The following CHRM3 variants were observed in gnomAD, a reference collection of about 807,000 sequenced individuals.
CHRM3 encodes cholinergic receptor muscarinic 3, also known as muscarinic acetylcholine receptor M3.
A neutral mutation model predicts 41.8 loss-of-function variants in CHRM3; 11 were observed. The observed-to-expected ratio is 0.26, with a 90% CI of 0.17 to 0.44. CHRM3 has a LOEUF of 0.44. Among genes scored for constraint, CHRM3 ranks in the 20% least tolerant of loss-of-function variants. The pLI is 1.00. For missense variants in CHRM3, 571 were observed against 745.4 expected (o/e 0.77, Z 2.72); for synonymous variants, 297 against 301.4 (o/e 0.99, Z 0.15).
intron 4 of CHRM3, among the ~76,000 whole-genome samples, chr1:239,644,284 A>G (rs1671530497): frequency 6.6e-6 from 1 of 152,170 alleles, no homozygotes; most frequent in Non-Finnish European, 1.5e-5. Flanking sequence ...TAATAGACTA[A>G]GTGACTAGGG....
intron 2 of CHRM3, among the ~76,000 whole-genome samples, chr1:239,544,919 C>T (rs1158727114): frequency 6.6e-6 from 1 of 152,190 alleles, no homozygotes; most frequent in Non-Finnish European, 1.5e-5. Context: ...TATGGTAAAG[C>T]AGCACGTTCT....
At chr1:239,712,227 G>A (rs139134327) in intron 5 of CHRM3, among the ~76,000 whole-genome samples, 99 of 152,162 alleles carry the variant, frequency 6.5e-4, no homozygotes, top group East Asian at 5.0e-3. Flanking sequence ...CTTGGTCCCC[G>A]ATCAATTTCA....
intron 1 of CHRM3, among the ~76,000 whole-genome samples, chr1:239,435,304 G>GC (rs1663155023): frequency 6.6e-6 from 1 of 151,910 alleles, no homozygotes; most frequent in Admixed American, 6.6e-5. Flanking sequence ...ACAAAAATCA[G>GC]CCGGGTGTGG....
At position 239,428,421 on chromosome 1, in the gene CHRM3, C is replaced by T. The variant is rs116645995; in HGVS notation, c.-521+41194C>T. Among the ~76,000 whole-genome samples the T allele has an allele frequency of 3.3e-3, 507 of 152,192 alleles. 7 individuals carry two copies. The highest frequency in any genetic ancestry group is 0.012 in the African/African-American group (481 of 41,524). On this transcript the variant is annotated intron_variant, in intron 1 of 6. Transcript: ENST00000676153. The stretch of plus-strand genomic sequence containing the variant: ...TTGACAAGGAGTCAGGAATCATAGC[C>T]TAGGAGATACTTTACAGGACAAAGA...
At chr1:239,535,085 A>G (rs1658063052) in intron 2 of CHRM3, among the ~76,000 whole-genome samples, 1 of 152,144 alleles carries the variant, frequency 6.6e-6, no homozygotes, top group Non-Finnish European at 1.5e-5. Flanking sequence ...GGCTGCTCCT[A>G]CAGCTTTCTT....
At chr1:239,710,307 A>G (rs1040717597) in intron 5 of CHRM3, among the ~76,000 whole-genome samples, 3 of 152,162 alleles carry the variant, frequency 2.0e-5, no homozygotes, top group Admixed American at 6.5e-5. Flanking sequence ...AACTACATCC[A>G]TATTGTGGAA....
chr1:239,523,735 G>A lies in CHRM3; in HGVS notation c.-421-21906G>A, dbSNP rs147464440. 4.9e-3 allele frequency among the ~76,000 whole-genome samples: 752 copies of A among 152,190 alleles called. 5 individuals carry two copies. Among genetic ancestry groups the A allele is most frequent in the Middle Eastern group, 0.01 (3 of 294 alleles). On this transcript the variant is annotated intron_variant, in intron 2 of 6. Coordinates refer to ENST00000676153, the MANE Select transcript of CHRM3 (RefSeq NM_001375978.1). ...CTATTGTATGTTTGTTGGAACATACGTGTCAGGAGGGCCGAAAGCATAGCT... is the reference window on the plus strand; with the variant it reads ...CTATTGTATGTTTGTTGGAACATACATGTCAGGAGGGCCGAAAGCATAGCT...
In CHRM3 at chr1:239,413,223, G is replaced by A. The variant is rs549339786; in HGVS notation, c.-521+25996G>A. 5.6e-4 allele frequency among the ~76,000 whole-genome samples: 85 copies of A among 152,260 alleles called. 2 individuals are homozygous for A. Among genetic ancestry groups the A allele is most frequent in the South Asian group, 2.3e-3 (11 of 4,822 alleles). ...TCCACCCTTTGGCCCAACAAGGCAA[G>A]CTCCTTTTCCATGAAGGTGGGAAGT... On this transcript the variant is annotated intron_variant, in intron 1 of 6. Transcript: ENST00000676153.
intron 3 of CHRM3, among the ~76,000 whole-genome samples, chr1:239,563,607 G>T (rs754572361): frequency 1.3e-5 from 2 of 152,070 alleles, no homozygotes; most frequent in African/African-American, 2.4e-5. Flanking sequence ...CTACAGCAGC[G>T]ATTTGTTTCA....
intron 6 of CHRM3, among the ~76,000 whole-genome samples, chr1:239,874,506 G>C (rs1328127727): frequency 6.6e-6 from 1 of 151,108 alleles, no homozygotes; most frequent in Non-Finnish European, 1.5e-5. Context: ...ACTTGAGTGA[G>C]TATTTGAGGA....
intron 4 of CHRM3, among the ~76,000 whole-genome samples, chr1:239,646,494 T>C (rs985531450): frequency 9.2e-5 from 14 of 152,178 alleles, no homozygotes; most frequent in African/African-American, 3.1e-4. Flanking sequence ...AAAATGTTCA[T>C]GAAAGTGACA....
intron 3 of CHRM3, among the ~76,000 whole-genome samples, chr1:239,618,573 G>T (rs997037499): frequency 6.6e-6 from 1 of 151,756 alleles, no homozygotes; most frequent in Non-Finnish European, 1.5e-5. Flanking sequence ...GGCCGGGCGC[G>T]GTGGCTCACG....
intron 3 of CHRM3, among the ~76,000 whole-genome samples, chr1:239,566,064 G>T (rs984841417): frequency 6.6e-6 from 1 of 151,714 alleles, no homozygotes; most frequent in Non-Finnish European, 1.5e-5. Flanking sequence ...ACAGGCATGT[G>T]CCACGATGCC....
intron 3 of CHRM3, among the ~76,000 whole-genome samples, chr1:239,621,959 C>A (rs891526882): frequency 2.6e-5 from 4 of 151,962 alleles, no homozygotes; most frequent in African/African-American, 9.7e-5. Context: ...AGGCTGACTT[C>A]CTTATTAGGA....
chr1:239,763,522 C>T (rs1572216160), intron 5 of CHRM3, among the ~76,000 whole-genome samples: 1 of 152,232 alleles, frequency 6.6e-6, no homozygotes, highest in Middle Eastern at 3.4e-3. Context: ...GAGCGCTCTA[C>T]AATACTATGT....
chr1:239,601,905 C>G (rs1665589107), intron 3 of CHRM3, among the ~76,000 whole-genome samples: 1 of 151,688 alleles, frequency 6.6e-6, no homozygotes, highest in Non-Finnish European at 1.5e-5. Context: ...TCGATACTGC[C>G]TCCGTCTTTC....
intron 5 of CHRM3, among the ~76,000 whole-genome samples, chr1:239,724,456 C>CT (rs1172325275): frequency 6.6e-6 from 1 of 151,834 alleles, no homozygotes; most frequent in Non-Finnish European, 1.5e-5. Flanking sequence ...CAGGCTTTGC[C>CT]ATTTAATTGT....
intron 5 of CHRM3, among the ~76,000 whole-genome samples, chr1:239,825,461 C>T (rs543868854): frequency 2.6e-5 from 4 of 152,164 alleles, no homozygotes; most frequent in Non-Finnish European, 5.9e-5. Flanking sequence ...GTGATTCCCA[C>T]AGTACACTCA....
intron 2 of CHRM3, among the ~76,000 whole-genome samples, chr1:239,534,994 G>T (rs1370118297): frequency 6.6e-6 from 1 of 152,206 alleles, no homozygotes; most frequent in Non-Finnish European, 1.5e-5. Flanking sequence ...TGTGCTAGGT[G>T]CTGGACATAT....
Sources: gnomAD v4.1 joint callset for allele counts (sites outside exome capture counted in the v4.1 genomes callset) on GRCh38, gnomAD v4.1.1 for gene constraint, MANE v1.5 for transcripts, NCBI Gene and HGNC (gene_info 2026-07-23, HGNC 2026-07-21) for gene names.